Variants in PLEKHM2 observed in about 807,000 individuals in gnomAD.
The protein encoded by PLEKHM2 is pleckstrin homology domain-containing family M member 2.
In PLEKHM2, 77 loss-of-function variants were observed where a neutral mutation model predicts 116.3. That is an observed-to-expected ratio of 0.66 (90% CI 0.55 to 0.80). PLEKHM2 has a LOEUF of 0.80. Ranked by LOEUF, PLEKHM2 falls within the 30% of genes least tolerant of loss-of-function variation. PLEKHM2 has a pLI of 0.00. For synonymous variants in PLEKHM2, 562 were observed against 571.0 expected (o/e 0.98, Z 0.22); for missense variants, 1,183 against 1,354.9 (o/e 0.87, Z 1.99).
At position 15,732,406 on chromosome 1, in the gene PLEKHM2, G is replaced by T. The variant is rs747586804; in HGVS notation, c.2682G>T (p.Thr894=). 1.9e-6 allele frequency: 3 copies of T among 1,570,536 alleles called. No homozygotes were observed. Among genetic ancestry groups the T allele is most frequent in the Non-Finnish European group, 2.6e-6 (3 of 1,157,814 alleles). ...SPCIPCCLVL[T]DDRLFTCHED... The stretch of plus-strand genomic sequence containing the variant: ...GCATACCCTGCTGCCTGGTCCTCAC[G>T]GATGACCGCCTCTTTACGTGCCATG... Residue 894 remains threonine, a synonymous_variant, in exon 18 of 20, where the codon ACG becomes ACT. Transcript: ENST00000375799.
intron 1 of PLEKHM2, among the ~76,000 whole-genome samples, chr1:15,711,160 G>A (rs982848816): frequency 1.3e-5 from 2 of 152,042 alleles, no homozygotes; most frequent in South Asian, 2.1e-4. Flanking sequence ...CCAGGAGTTC[G>A]AGAGCAGCCT....
chr1:15,719,278 C>T lies in PLEKHM2; in HGVS notation c.466-456C>T, dbSNP rs7553484. Among the ~76,000 whole-genome samples, 53,527 of 151,888 alleles carry T rather than the reference C, an allele frequency of 0.35. 11,950 individuals are homozygous for T. The highest frequency in any genetic ancestry group is 0.63 in the African/African-American group (26,148 of 41,432). On this transcript the variant is annotated intron_variant, in intron 5 of 19. Transcript: ENST00000375799. This position sits in a 1 kb window ranked among gnomAD's most constrained non-coding sequence, Gnocchi z 4.1. ...CAGCCTGGCCAACATGGCGAAACCT[C>T]GTCTCTACTAAAAAAATACAAAAGT...
chr1:15,729,830 C>T lies in PLEKHM2; in HGVS notation c.2109C>T (p.Ile703=), dbSNP rs1172713973. The T allele has an allele frequency of 6.2e-6, 10 of 1,613,108 alleles. No individual in the cohort carries two copies. In the African/African-American group the frequency reaches 1.2e-4, roughly 19 times the overall value. ...TGGCTTCTTTGAAGTCAGCCATGAT[C>T]AAAGGCTGTCGAGAACCTCCCTACC... ...FFLASLKSAM[I]KGCREPPYPS... The change falls in exon 14 of 20, where the codon ATC becomes ATT. Residue 703 remains isoleucine, a synonymous_variant. Transcript: ENST00000375799. The surrounding 1 kb of genome is among the most constrained non-coding windows in gnomAD (Gnocchi z 4.7).
At chr1:15,710,142 G>T (rs543771136) in intron 1 of PLEKHM2, among the ~76,000 whole-genome samples, 31 of 150,428 alleles carry the variant, frequency 2.1e-4, no homozygotes, top group African/African-American at 7.1e-4. Flanking sequence ...CAGGAGAATG[G>T]CGTAAACCTG....
At chr1:15,705,255 T>G (rs1641202808) in intron 1 of PLEKHM2, among the ~76,000 whole-genome samples, 1 of 143,858 alleles carries the variant, frequency 7.0e-6, no homozygotes, top group African/African-American at 2.6e-5. Flanking sequence ...CTTGGCTCAC[T>G]GCAACCTCTA....
intron 1 of PLEKHM2, among the ~76,000 whole-genome samples, chr1:15,687,792 G>C (rs1640803357): frequency 6.6e-6 from 1 of 152,172 alleles, no homozygotes; most frequent in African/African-American, 2.4e-5. Flanking sequence ...GTCCTTGAAT[G>C]CCAGTCTCAC....
chr1:15,725,226 C>G (rs1444227395), intron 7 of PLEKHM2, 91 bp from the exon 8 acceptor site: 2 of 901,180 alleles, frequency 2.2e-6, no homozygotes, highest in Non-Finnish European at 3.5e-6. Context: ...AACTGGCCAG[C>G]CTGCCTCCCT....
chr1:15,702,347 C>T (rs1302129760), intron 1 of PLEKHM2, among the ~76,000 whole-genome samples: 1 of 152,008 alleles, frequency 6.6e-6, no homozygotes, highest in East Asian at 1.9e-4. Flanking sequence ...CTGTGGCCAT[C>T]GTGGATGTAA....
At chr1:15,688,921 G>T (rs1270261457) in intron 1 of PLEKHM2, among the ~76,000 whole-genome samples, 2 of 152,014 alleles carry the variant, frequency 1.3e-5, no homozygotes, top group Non-Finnish European at 2.9e-5. Context: ...TGCTGCATAT[G>T]CCTGCAGAAT....
chr1:15,721,402 C>T lies in PLEKHM2; in HGVS notation c.712+14C>T, dbSNP rs778300334. On this transcript the variant is annotated intron_variant, in intron 7 of 19. Coordinates refer to ENST00000375799, the MANE Select transcript of PLEKHM2 (RefSeq NM_015164.4). The surrounding 1 kb of genome is among the most constrained non-coding windows in gnomAD (Gnocchi z 5.1). ...CAGACTGGGAAGGTGGGCCAGAGTC[C>T]GCTGTTACCCTCTTTTCCTGTTTTG... The T allele has an allele frequency of 2.2e-5, 34 of 1,526,860 alleles. No homozygotes were observed. The highest frequency in any genetic ancestry group is 9.5e-5 in the East Asian group (4 of 42,210). The allele number at this position is 1,526,860 out of a possible 1,614,324, so 94.6% of individuals were successfully genotyped here.
rs370031538 is a variant in PLEKHM2 at position 15,731,857 on chromosome 1, C to T, written c.2466-32C>T. The T allele has an allele frequency of 8.1e-5, 129 of 1,591,436 alleles. No homozygotes were observed. The African/African-American group carries it at 1.2e-3, about 14-fold the overall frequency. The stretch of plus-strand genomic sequence containing the variant: ...TCGCCCCGTGCTGCCCTTGCCTCCT[C>T]GCTCCCGTTTCACCCTCCTCCTCTG... On this transcript the variant is annotated intron_variant, in intron 16 of 19. Coordinates refer to ENST00000375799, the MANE Select transcript of PLEKHM2 (RefSeq NM_015164.4).
At chr1:15,684,851 C>G (rs1640732592) in intron 1 of PLEKHM2, among the ~76,000 whole-genome samples, 1 of 152,028 alleles carries the variant, frequency 6.6e-6, no homozygotes, top group Non-Finnish European at 1.5e-5. Context: ...CGGAGCTTCC[C>G]CAAACCTGGC....
At chr1:15,711,565 C>T (rs915754560) in intron 1 of PLEKHM2, among the ~76,000 whole-genome samples, 3 of 150,158 alleles carry the variant, frequency 2.0e-5, no homozygotes, top group African/African-American at 4.9e-5. Context: ...TACAGTGAGC[C>T]GAGACTGTGC....
At chr1:15,700,887 G>A (rs958251176) in intron 1 of PLEKHM2, among the ~76,000 whole-genome samples, 1 of 151,990 alleles carries the variant, frequency 6.6e-6, no homozygotes, top group Admixed American at 6.6e-5. Flanking sequence ...GCCGAGGCAG[G>A]TAGGTCATGA....
chr1:15,731,835 C>T (rs756432158), intron 16 of PLEKHM2, 54 bp from the exon 17 acceptor site: 7 of 1,517,716 alleles, frequency 4.6e-6, no homozygotes, highest in South Asian at 3.7e-5. Flanking sequence ...GGGGCTGTCG[C>T]CCCGTGCTGC....
At chr1:15,690,482 C>T (rs751542470) in intron 1 of PLEKHM2, among the ~76,000 whole-genome samples, 5 of 152,218 alleles carry the variant, frequency 3.3e-5, no homozygotes. Context: ...TCAAAAGCAA[C>T]CAAATGTGTA....
At position 15,729,252 on chromosome 1, in the gene PLEKHM2, G is replaced by T; in HGVS notation, c.2075+62G>T. The T allele has an allele frequency of 1.1e-5, 15 of 1,416,740 alleles. No homozygotes were observed. In the South Asian group the frequency reaches 1.8e-4, roughly 17 times the overall value. 87.8% of individuals were successfully genotyped at this position (1,416,740 alleles called of 1,614,324 possible). ...AGTTCGCAGCCGCCCATAGGTGTGG[G>T]TGGCCTGGGGGTCAGGGGTGGAGGT... On this transcript the variant is annotated intron_variant, in intron 13 of 19. Coordinates refer to ENST00000375799, the MANE Select transcript of PLEKHM2 (RefSeq NM_015164.4). This position sits in a 1 kb window ranked among gnomAD's most constrained non-coding sequence, Gnocchi z 4.7.
At chr1:15,689,293 AAG>A (rs1640841277) in intron 1 of PLEKHM2, among the ~76,000 whole-genome samples, 1 of 151,936 alleles carries the variant, frequency 6.6e-6, no homozygotes, top group African/African-American at 2.4e-5. Context: ...AGTTCAGAGA[AAG>A]AGAAGAAGCA....
In PLEKHM2 at chr1:15,729,892, C is replaced by T; in HGVS notation, c.2171C>T (p.Ala724Val). 1 of 1,613,152 alleles carries T rather than the reference C, an allele frequency of 6.2e-7. No individual in the cohort carries two copies. Among genetic ancestry groups the T allele is most frequent in the Non-Finnish European group, 8.5e-7 (1 of 1,179,732 alleles). Residue 724 changes from alanine (A) to valine (V), a missense_variant, in exon 14 of 20, where the codon GCA becomes GTA. By Grantham distance (64) the Ala-to-Val change is moderately conservative. This residue lies in a region of PLEKHM2 where 594 missense variants were observed against 720.1 expected (regional missense o/e 0.82). Transcript: ENST00000375799. The surrounding 1 kb of genome is among the most constrained non-coding windows in gnomAD (Gnocchi z 4.7). ...ACGGATGCCACCATGGAGAAGCTGG[C>T]ACTGGCCAAATTTGTGGCCCAAGAA... Reference protein sequence around the residue: ...ILTDATMEKLALAKFVAQESK... With the variant: ...ILTDATMEKLVLAKFVAQESK...
Sources: allele counts gnomAD v4.1 joint callset (sites outside exome capture counted in the v4.1 genomes callset), GRCh38; gene constraint gnomAD v4.1.1; regional missense constraint gnomAD v4.1.1; non-coding constraint Gnocchi (gnomAD v3.1); transcripts MANE v1.5; gene names NCBI Gene and HGNC (gene_info 2026-07-23, HGNC 2026-07-21).